The following SETD2 variants were observed in gnomAD, a reference collection of about 807,000 sequenced individuals.
The protein encoded by SETD2 is histone-lysine N-methyltransferase SETD2.
Under a neutral mutation model 242.1 loss-of-function variants are expected in SETD2, and 31 were observed. The observed-to-expected ratio is 0.13, with a 90% CI of 0.10 to 0.17. The LOEUF (loss-of-function observed/expected upper bound fraction) is 0.17, where lower values mean the gene tolerates loss of function less well. Among genes scored for constraint, SETD2 ranks in the 10% least tolerant of loss-of-function variants. The pLI, the probability that SETD2 is intolerant of heterozygous loss-of-function variation, is 1.00. For synonymous variants in SETD2, 1,006 were observed against 1,066.5 expected (o/e 0.94, Z 1.11); for missense variants, 2,481 against 3,046.3 (o/e 0.81, Z 4.37).
intron 1 of SETD2, among the ~76,000 whole-genome samples, chr3:47,132,250 A>G (rs2043495580): frequency 6.7e-6 from 1 of 149,370 alleles, no homozygotes; most frequent in Admixed American, 6.8e-5. Context: ...TTTCTGCTTC[A>G]GCCTCCTGAG....
intron 1 of SETD2, among the ~76,000 whole-genome samples, chr3:47,134,878 T>C (rs144896453): frequency 1.3e-5 from 2 of 152,158 alleles, no homozygotes; most frequent in Admixed American, 1.3e-4. Flanking sequence ...CCCACCTCGG[T>C]CTCCCAAAGT....
chr3:47,065,830 G>A (rs895147522), intron 13 of SETD2, among the ~76,000 whole-genome samples: 1 of 152,112 alleles, frequency 6.6e-6, no homozygotes, highest in African/African-American at 2.4e-5. Context: ...AAATAAGTTT[G>A]TTGGAAATGT....
chr3:47,106,235 T>A, intron 5 of SETD2, 115 bp from the exon 6 acceptor site: 2 of 897,798 alleles, frequency 2.2e-6, no homozygotes, highest in East Asian at 2.7e-5. Flanking sequence ...ATAAATTCAG[T>A]TATTACACAA....
In SETD2 at chr3:47,017,590, G is replaced by T; in HGVS notation, c.7533+48C>A. 7.6e-7 allele frequency: 1 copy of T among 1,322,014 alleles called. No homozygotes were observed. Among genetic ancestry groups the T allele is most frequent in the East Asian group, 2.3e-5 (1 of 43,532 alleles). The allele number at this position is 1,322,014 out of a possible 1,614,324, so 81.9% of individuals were successfully genotyped here. A position where few individuals can be genotyped will look rare whatever the true frequency, so the allele number is the denominator to read the frequency against. On this transcript the variant is annotated intron_variant, in intron 20 of 20. Transcript: ENST00000409792. The surrounding 1 kb of genome is among the most constrained non-coding windows in gnomAD (Gnocchi z 4.8). ...AAAAGGGCTTCTTAGAAGGTACACAGTTTGCCCAGAACATTGCCTGGTGGG... is the reference window on the plus strand; with the variant it reads ...AAAAGGGCTTCTTAGAAGGTACACATTTTGCCCAGAACATTGCCTGGTGGG...
intron 15 of SETD2, among the ~76,000 whole-genome samples, chr3:47,048,185 C>G (rs1045215437): frequency 1.3e-4 from 20 of 152,232 alleles, no homozygotes; most frequent in Admixed American, 1.1e-3. Context: ...GTCAGGAGAT[C>G]GAGACCATCC....
At chr3:47,161,651 A>G (rs1559773624) in intron 1 of SETD2, among the ~76,000 whole-genome samples, 2 of 152,354 alleles carry the variant, frequency 1.3e-5, no homozygotes, top group Non-Finnish European at 2.9e-5. Flanking sequence ...ATACACAAGA[A>G]GAGGCCTGGC....
intron 1 of SETD2, among the ~76,000 whole-genome samples, chr3:47,148,653 G>T (rs538310859): frequency 5.9e-5 from 9 of 152,114 alleles, no homozygotes; most frequent in Non-Finnish European, 1.2e-4. Flanking sequence ...ATTAATTAGG[G>T]TCTTAAATTA....
chr3:47,095,369 C>T (rs561581807), intron 9 of SETD2, among the ~76,000 whole-genome samples: 1 of 152,236 alleles, frequency 6.6e-6, no homozygotes, highest in East Asian at 1.9e-4. Flanking sequence ...CTCCTAACCT[C>T]GTGATCTGCC....
intron 18 of SETD2, among the ~76,000 whole-genome samples, chr3:47,027,772 G>A (rs758187381): frequency 7.4e-5 from 11 of 149,226 alleles, no homozygotes; most frequent in Non-Finnish European, 1.5e-4. Flanking sequence ...TAAAGTTGCT[G>A]CTGCTGCTGG....
chr3:47,147,917 C>CAAAAAA (rs547475994), intron 1 of SETD2, among the ~76,000 whole-genome samples: 1 of 52,122 alleles, frequency 1.9e-5, no homozygotes, highest in Admixed American at 1.9e-4. Context: ...GACTCTGTCT[C>CAAAAAA]AAAAAAAAAA....
At chr3:47,072,974 G>GAAA (rs1209365908) in intron 12 of SETD2, among the ~76,000 whole-genome samples, 2 of 134,404 alleles carry the variant, frequency 1.5e-5, no homozygotes, top group African/African-American at 2.7e-5. Context: ...AAGAAAGAAA[G>GAAA]AAAAAAAAAA....
chr3:47,045,424 C>T (rs1305704167), intron 16 of SETD2, among the ~76,000 whole-genome samples: 3 of 150,178 alleles, frequency 2.0e-5, no homozygotes, highest in Non-Finnish European at 4.4e-5. Context: ...AGGCTGAGGC[C>T]GGAGAATGGT....
In SETD2 at chr3:47,017,656, A is replaced by G. The variant is rs1244994348; in HGVS notation, c.7515T>C (p.Phe2505=). 1.9e-6 allele frequency: 3 copies of G among 1,613,764 alleles called. No homozygotes were observed. Among genetic ancestry groups the G allele is most frequent in the Non-Finnish European group, 2.5e-6 (3 of 1,179,734 alleles). ...GGAGTACCTTGCGAGCCAGATGTTTAAAGTCTTCAGTTGTGGTAATTCTTC... is the reference window on the plus strand; with the variant it reads ...GGAGTACCTTGCGAGCCAGATGTTTGAAGTCTTCAGTTGTGGTAATTCTTC... ...KVGRITTTED[F]KHLARKLTHG... is the part of the protein sequence containing the mutation. The change falls in exon 20 of 21, where the codon TTT becomes TTC. Residue 2505 remains phenylalanine (F), a synonymous_variant. Transcript: ENST00000409792. This position sits in a 1 kb window ranked among gnomAD's most constrained non-coding sequence, Gnocchi z 4.8.
intron 8 of SETD2, among the ~76,000 whole-genome samples, chr3:47,099,929 TG>T (rs1445624607): frequency 6.6e-6 from 1 of 152,160 alleles, no homozygotes; most frequent in Non-Finnish European, 1.5e-5. Context: ...TTCAAAGTCA[TG>T]AATTGGTTGA....
At position 47,076,478 on chromosome 3, in the gene SETD2, T is replaced by C. The variant is rs58040348; in HGVS notation, c.6060+7242A>G. ...TGTAGCACAGATTATAGAGGGCACA[T>C]AGTAGTCACTCACTATTAGTAAGAA... On this transcript the variant is annotated intron_variant, in intron 12 of 20. Transcript: ENST00000409792. Among the ~76,000 whole-genome samples the C allele has an allele frequency of 1.9e-3, 289 of 152,334 alleles. 2 individuals are homozygous for C. The highest frequency in any genetic ancestry group is 6.6e-3 in the African/African-American group (275 of 41,570).
At chr3:47,088,081 C>A (rs2041642171) in intron 10 of SETD2, 32 bp downstream of exon 10, 1 of 1,584,998 alleles carries the variant, frequency 6.3e-7, no homozygotes, top group South Asian at 1.2e-5. Context: ...ACCACAAAAC[C>A]AGAAATAAAA....
intron 14 of SETD2, among the ~76,000 whole-genome samples, chr3:47,059,643 C>T (rs1218876224): frequency 6.6e-6 from 1 of 152,030 alleles, no homozygotes; most frequent in East Asian, 1.9e-4. Flanking sequence ...TGGTCTCAAA[C>T]TCCTGACCTC....
intron 13 of SETD2, among the ~76,000 whole-genome samples, chr3:47,065,558 G>A (rs186148867): frequency 1.3e-3 from 192 of 152,212 alleles, no homozygotes; most frequent in African/African-American, 4.5e-3. Flanking sequence ...CAGCACTTTG[G>A]GAGGTGGAAA....
chr3:47,139,447 T>G (rs1285689260), intron 1 of SETD2, among the ~76,000 whole-genome samples: 1 of 152,214 alleles, frequency 6.6e-6, no homozygotes, highest in Non-Finnish European at 1.5e-5. Flanking sequence ...TCTCCCCATA[T>G]AGAGTTTAAA....
Sources: gnomAD v4.1 joint callset for allele counts (sites outside exome capture counted in the v4.1 genomes callset) on GRCh38, gnomAD v4.1.1 for gene constraint, Gnocchi (gnomAD v3.1) non-coding constraint, MANE v1.5 for transcripts, NCBI Gene and HGNC (gene_info 2026-07-23, HGNC 2026-07-21) for gene names.